RITA1: variants seen among roughly 807,000 people sequenced by gnomAD.
RITA1 encodes RBPJ-interacting and tubulin-associated protein 1.
In RITA1, 15 loss-of-function variants were observed where a neutral mutation model predicts 8.7. The ratio of observed to expected loss-of-function variants is 1.72; its 90% CI spans 1.15 to 2.65. The LOEUF is 2.65. Among genes scored for constraint, RITA1 ranks in the 30% most tolerant of loss-of-function variants. The pLI, the probability that RITA1 is intolerant of heterozygous loss-of-function variation, is 0.00. For missense variants in RITA1, 330 were observed against 363.8 expected (o/e 0.91, Z 0.76); for synonymous variants, 145 against 156.2 (o/e 0.93, Z 0.53).
chr12:113,187,289 G>A (rs1194530840), intron 3 of RITA1: 2 of 454,338 alleles, frequency 4.4e-6, no homozygotes, highest in African/African-American at 4.0e-5. Flanking sequence ...GTCAATAAAT[G>A]GTAGTGTTGA....
chr12:113,189,111 G>A (rs1952571998), intron 3 of RITA1, among the ~76,000 whole-genome samples: 1 of 151,840 alleles, frequency 6.6e-6, no homozygotes, highest in South Asian at 2.1e-4. Context: ...TGTCTGGCCA[G>A]CCTTAATTAC....
chr12:113,186,898 A>C lies in RITA1; in HGVS notation c.152A>C (p.Asp51Ala). The change falls in exon 3 of 4, where the codon GAC becomes GCC. Residue 51 changes from aspartate to alanine, a missense_variant. Asp to Ala is a moderately radical substitution (Grantham distance 126). Transcript: ENST00000548278. ...GCAGGCACCCGGCCTACCCCACCGGACTTCGATCCGCCCTGGGTGGAGAAG... is the reference window on the plus strand; with the variant it reads ...GCAGGCACCCGGCCTACCCCACCGGCCTTCGATCCGCCCTGGGTGGAGAAG... Reference protein sequence around the residue: ...SPAGTRPTPPDFDPPWVEKAN... With the variant: ...SPAGTRPTPPAFDPPWVEKAN... 1 of 1,614,136 alleles carries C rather than the reference A, an allele frequency of 6.2e-7. No individual in the cohort carries two copies. Among genetic ancestry groups the C allele is most frequent in the East Asian group, 2.2e-5 (1 of 44,886 alleles).
At position 113,191,697 on chromosome 12, in the gene RITA1, G is replaced by A. The variant is rs747401205; in HGVS notation, c.690G>A (p.Thr230=). The A allele has an allele frequency of 3.5e-5, 57 of 1,613,972 alleles. No individual in the cohort carries two copies. In the Admixed American group the frequency reaches 9.0e-4, roughly 25 times the overall value. Residue 230 remains threonine, a synonymous_variant, in exon 4 of 4, where the codon ACG becomes ACA. Transcript: ENST00000548278. This position sits in a 1 kb window ranked among gnomAD's most constrained non-coding sequence, Gnocchi z 4.0. ...GGCCTCAGGATCTCAGGCCTTCCAC[G>A]TCAGGGGTGACCTTCCGGAGCCCCC... The part of the protein sequence containing the change: ...TNGPQDLRPS[T]SGVTFRSPLV...
In RITA1 at chr12:113,185,941, C is replaced by A; in HGVS notation, c.-277C>A. ...TGCACCGCGCGCCCCCGCGCCCTCA[C>A]CGACGGGTCCAGACCTGGTGGGAAG... On this transcript the variant is annotated 5_prime_UTR_variant, in exon 1 of 4. Coordinates refer to ENST00000548278, the MANE Select transcript of RITA1 (RefSeq NM_032848.3). 6.6e-7 allele frequency: 1 copy of A among 1,520,148 alleles called. No homozygotes were observed. Among genetic ancestry groups the A allele is most frequent in the Middle Eastern group, 1.7e-4 (1 of 5,926 alleles). The allele number at this position is 1,520,148 out of a possible 1,614,324, so 94.2% of individuals were successfully genotyped here. A position where few individuals can be genotyped will look rare whatever the true frequency, so the allele number is the denominator to read the frequency against.
chr12:113,191,442 A>T lies in RITA1; in HGVS notation c.435A>T (p.Pro145=), dbSNP rs1438270401. ...TCCGTGCTCTCTTGTGGACGCCACC[A>T]CCTACCCCCAGGGGTAGCCACTCGC... is the stretch of plus-strand genomic sequence containing the variant. ...AKLRALLWTP[P]PTPRGSHSPR... Residue 145 remains proline (P), a synonymous_variant, in exon 4 of 4, where the codon CCA becomes CCT. Transcript: ENST00000548278. The surrounding 1 kb of genome is among the most constrained non-coding windows in gnomAD (Gnocchi z 4.0). 6.2e-7 allele frequency: 1 copy of T among 1,607,220 alleles called. No homozygotes were observed. The highest frequency in any genetic ancestry group is 1.3e-5 in the African/African-American group (1 of 74,714).
At chr12:113,186,053 C>T in intron 1 of RITA1, 32 bp downstream of exon 1, 9 of 1,536,008 alleles carry the variant, frequency 5.9e-6, no homozygotes, top group Non-Finnish European at 7.8e-6. Context: ...GCAGGGACCT[C>T]GGGCACTTTT....
chr12:113,188,090 C>T (rs1952557727), intron 3 of RITA1, among the ~76,000 whole-genome samples: 1 of 152,092 alleles, frequency 6.6e-6, no homozygotes. Flanking sequence ...GCTCTGTTGC[C>T]CAGGCTGGAG....
chr12:113,191,004 G>A lies in RITA1; in HGVS notation c.303-306G>A, dbSNP rs1952594457. On this transcript the variant is annotated intron_variant, in intron 3 of 3. Coordinates refer to ENST00000548278, the MANE Select transcript of RITA1 (RefSeq NM_032848.3). The surrounding 1 kb of genome is among the most constrained non-coding windows in gnomAD (Gnocchi z 4.0). ...ACAGGCTTGGGTCATCTGGCCATTCGTGAACCAATCCATGTGGCCAGGAGG... is the reference window on the plus strand; with the variant it reads ...ACAGGCTTGGGTCATCTGGCCATTCATGAACCAATCCATGTGGCCAGGAGG... Among the ~76,000 whole-genome samples the A allele has an allele frequency of 6.6e-6, 1 of 152,222 alleles. No individual in the cohort carries two copies. The highest frequency in any genetic ancestry group is 6.5e-5 in the Admixed American group (1 of 15,282).
At position 113,186,736 on chromosome 12, in the gene RITA1, C is replaced by A. The variant is rs1264932846; in HGVS notation, c.-11C>A. The A allele has an allele frequency of 1.2e-6, 2 of 1,611,314 alleles. No homozygotes were observed. Among genetic ancestry groups the A allele is most frequent in the Non-Finnish European group, 1.7e-6 (2 of 1,178,352 alleles). On this transcript the variant is annotated 5_prime_UTR_variant, in exon 3 of 4. Coordinates refer to ENST00000548278, the MANE Select transcript of RITA1 (RefSeq NM_032848.3). ...AGAGCACACCTGCTGTCACCAGGGA[C>A]CACAGGCAGCATGAAGACCCCCGTG...
chr12:113,189,186 G>T (rs1011141285), intron 3 of RITA1, among the ~76,000 whole-genome samples: 1 of 152,094 alleles, frequency 6.6e-6, no homozygotes, highest in Non-Finnish European at 1.5e-5. Context: ...TTCAACATAT[G>T]AATTTGGGTG....
intron 3 of RITA1, among the ~76,000 whole-genome samples, chr12:113,187,757 C>CAA (rs34828582): frequency 0.04 from 4,258 of 106,260 alleles, 174 homozygotes; most frequent in African/African-American, 0.075. Context: ...ACCCTGTCTC[C>CAA]AAAAAAAAAA....
chr12:113,186,119 A>T (rs1952533644), intron 1 of RITA1, 66 bp from the exon 2 acceptor site: 2 of 1,504,908 alleles, frequency 1.3e-6, no homozygotes, highest in Admixed American at 3.9e-5. Flanking sequence ...GGCGGCGGTG[A>T]TCTCCCGATA....
Position 113,185,869 on chromosome 12 carries a change from T to C in RITA1, c.-349T>C, listed in dbSNP as rs1161793131. ...CCGGGACGGCCTAGGCTGCCGGGGG[T>C]CCGGGGCCCCAGGCATTCCGGGCTG... is the stretch of plus-strand genomic sequence containing the variant. On this transcript the variant is annotated 5_prime_UTR_variant, in exon 1 of 4. Coordinates refer to ENST00000548278, the MANE Select transcript of RITA1 (RefSeq NM_032848.3). 1 of 1,181,066 alleles carries C rather than the reference T, an allele frequency of 8.5e-7. No homozygotes were observed. The highest frequency in any genetic ancestry group is 1.2e-6 in the Non-Finnish European group (1 of 855,656). 73.2% of individuals were successfully genotyped at this position (1,181,066 alleles called of 1,614,324 possible).
chr12:113,190,192 C>T (rs1426237235), intron 3 of RITA1, among the ~76,000 whole-genome samples: 1 of 151,716 alleles, frequency 6.6e-6, no homozygotes. Context: ...ATTAGCTGGG[C>T]ATGGTAGCAC....
rs1952619014 is a variant in RITA1, at chr12:113,192,353, C to G, written c.*536C>G. 1 of 153,570 alleles carries G rather than the reference C, an allele frequency of 6.5e-6. No homozygotes were observed. Among genetic ancestry groups the G allele is most frequent in the Non-Finnish European group, 1.4e-5 (1 of 69,032 alleles). 9.5% of individuals were successfully genotyped at this position (153,570 alleles called of 1,614,324 possible). The stretch of plus-strand genomic sequence containing the variant: ...ATTTATTTTCATGTACTAAATAGAT[C>G]AGCTCATCAAAGCCATGAATGTCAC... On this transcript the variant is annotated 3_prime_UTR_variant, in exon 4 of 4. Transcript: ENST00000548278.
rs572991552 is a variant in RITA1 at position 113,189,984 on chromosome 12, C to T, written c.303-1326C>T. ...CTCAGGAGTTCGCAGCTGCAGCGAG[C>T]GTCACTGCACTCCAGCCTGGGTGAC... is the stretch of plus-strand genomic sequence containing the variant. On this transcript the variant is annotated intron_variant, in intron 3 of 3. Coordinates refer to ENST00000548278, the MANE Select transcript of RITA1 (RefSeq NM_032848.3). Among the ~76,000 whole-genome samples the T allele has an allele frequency of 4.0e-5, 6 of 148,294 alleles. 1 individual carries two copies. In the South Asian group the frequency reaches 1.1e-3, roughly 26 times the overall value.
At chr12:113,190,518 C>T (rs758957792) in intron 3 of RITA1, among the ~76,000 whole-genome samples, 18 of 151,726 alleles carry the variant, frequency 1.2e-4, no homozygotes, top group Non-Finnish European at 5.9e-5. Context: ...CTTGGTGGCA[C>T]TGTGCCTGTA....
chr12:113,191,528 C>CG lies in RITA1; in HGVS notation c.525dup (p.Pro176AlafsTer73). The CG allele has an allele frequency of 6.2e-7, 1 of 1,612,460 alleles. No individual in the cohort carries two copies. Among genetic ancestry groups the CG allele is most frequent in the Non-Finnish European group, 8.5e-7 (1 of 1,178,804 alleles). ...CCAGCTGGTCCCTCCAAGACAGAGC[C>CG]GGGGCCAGCGGCAGACTCCCAGAAG... On this transcript the variant is annotated frameshift_variant, in exon 4 of 4. Transcript: ENST00000548278. LOFTEE classifies it low-confidence loss of function (END_TRUNC). The surrounding 1 kb of genome is among the most constrained non-coding windows in gnomAD (Gnocchi z 4.0).
At position 113,191,106 on chromosome 12, in the gene RITA1, G is replaced by A. The variant is rs533350293; in HGVS notation, c.303-204G>A. Among the ~76,000 whole-genome samples, 2 of 152,286 alleles carry A rather than the reference G, an allele frequency of 1.3e-5. No homozygotes were observed. Among genetic ancestry groups the A allele is most frequent in the African/African-American group, 2.4e-5 (1 of 41,566 alleles). ...AGGATGCAGGGGCAGTGGATGTTTCGCAGGGAAAATCAGCAGAGACCGGGG... is the reference window on the plus strand; with the variant it reads ...AGGATGCAGGGGCAGTGGATGTTTCACAGGGAAAATCAGCAGAGACCGGGG... On this transcript the variant is annotated intron_variant, in intron 3 of 3. Transcript: ENST00000548278. This position sits in a 1 kb window ranked among gnomAD's most constrained non-coding sequence, Gnocchi z 4.0.
Sources: gnomAD v4.1 joint callset for allele counts (sites outside exome capture counted in the v4.1 genomes callset) on GRCh38, gnomAD v4.1.1 for gene constraint, Gnocchi (gnomAD v3.1) non-coding constraint, MANE v1.5 for transcripts, NCBI Gene and HGNC (gene_info 2026-07-23, HGNC 2026-07-21) for gene names.